The following LPP variants were observed in gnomAD, a reference collection of about 807,000 sequenced individuals.
The protein encoded by LPP is LIM domain containing preferred translocation partner in lipoma.
LPP carries 38 observed loss-of-function variants against 60.4 expected under a neutral mutation model. The ratio of observed to expected loss-of-function variants is 0.63; its 90% CI spans 0.49 to 0.83. The LOEUF (loss-of-function observed/expected upper bound fraction) is 0.83. LPP is among the 40% of genes least tolerant of loss of function. The pLI, the probability that LPP is intolerant of heterozygous loss-of-function variation, is 0.00. For synonymous variants in LPP, 328 were observed against 290.8 expected (o/e 1.13, Z -1.30); for missense variants, 902 against 783.6 (o/e 1.15, Z -1.80).
At chr3:188,214,350 C>T (rs1211458579) in intron 1 of LPP, among the ~76,000 whole-genome samples, 1 of 152,148 alleles carries the variant, frequency 6.6e-6, no homozygotes, top group East Asian at 1.9e-4. Context: ...AGGCTGGTCT[C>T]AAACTCCTGA....
Position 188,882,832 on chromosome 3 carries a change from G to A in LPP, c.*8353G>A, listed in dbSNP as rs976042952. 22 of 181,422 alleles carry A rather than the reference G, an allele frequency of 1.2e-4. No individual in the cohort carries two copies. Among genetic ancestry groups the A allele is most frequent in the African/African-American group, 4.7e-4 (20 of 42,526 alleles). The allele number at this position is 181,422 out of a possible 1,614,324, so 11.2% of individuals were successfully genotyped here. Reference sequence around the variant, plus strand: ...CGGCTCACTGCAAGCTCCGCTTCTCGGGTTCACGCCATTCTCCTGCCTCAG... The same window carrying A: ...CGGCTCACTGCAAGCTCCGCTTCTCAGGTTCACGCCATTCTCCTGCCTCAG... On this transcript the variant is annotated 3_prime_UTR_variant, in exon 12 of 12. Coordinates refer to ENST00000617246, the MANE Select transcript of LPP (RefSeq NM_001375462.1).
chr3:188,318,753 CTT>C (rs10708836), intron 2 of LPP, among the ~76,000 whole-genome samples: 1,207 of 96,822 alleles, frequency 0.012, 7 homozygotes, highest in African/African-American at 0.047. Flanking sequence ...AATTATGATT[CTT>C]TTTTTTTTTT....
At chr3:188,600,195 T>C (rs139150302) in intron 6 of LPP, among the ~76,000 whole-genome samples, 18 of 148,506 alleles carry the variant, frequency 1.2e-4, no homozygotes, top group African/African-American at 4.1e-4. Flanking sequence ...AATGTATATA[T>C]TTCTGATATA....
intron 1 of LPP, among the ~76,000 whole-genome samples, chr3:188,165,435 A>C (rs1250604354): frequency 6.6e-6 from 1 of 152,200 alleles, no homozygotes; most frequent in Non-Finnish European, 1.5e-5. Flanking sequence ...CATAACATGG[A>C]TAGAGACATG....
At chr3:188,761,187 A>G (rs1358514532) in intron 9 of LPP, among the ~76,000 whole-genome samples, 1 of 152,168 alleles carries the variant, frequency 6.6e-6, no homozygotes, top group Non-Finnish European at 1.5e-5. Context: ...GTGCCCAGAG[A>G]TTTCAACATA....
chr3:188,716,309 A>G (rs573402939), intron 8 of LPP, among the ~76,000 whole-genome samples: 1 of 152,366 alleles, frequency 6.6e-6, no homozygotes, highest in South Asian at 2.1e-4. Flanking sequence ...ACAAAGTGCT[A>G]TGATCGGTCA....
intron 3 of LPP, among the ~76,000 whole-genome samples, chr3:188,358,891 A>G (rs1360594980): frequency 6.6e-6 from 1 of 152,226 alleles, no homozygotes; most frequent in Non-Finnish European, 1.5e-5. Flanking sequence ...CACTCCAGAA[A>G]GAGTGGCCAC....
At chr3:188,188,966 G>A (rs1340078467) in intron 1 of LPP, among the ~76,000 whole-genome samples, 1 of 146,278 alleles carries the variant, frequency 6.8e-6, no homozygotes, top group Non-Finnish European at 1.5e-5. Flanking sequence ...AAAGACCTAA[G>A]CTTAATGACT....
chr3:188,548,112 C>T (rs1417370080), intron 6 of LPP, among the ~76,000 whole-genome samples: 1 of 152,178 alleles, frequency 6.6e-6, no homozygotes, highest in East Asian at 1.9e-4. Context: ...TGGATCAAAG[C>T]CCAGCCCCTG....
intron 3 of LPP, among the ~76,000 whole-genome samples, chr3:188,374,273 C>T (rs918509260): frequency 1.3e-5 from 2 of 152,070 alleles, no homozygotes; most frequent in African/African-American, 4.8e-5. Flanking sequence ...ATGGGGATGG[C>T]ATTGAATCTA....
At chr3:188,393,437 T>G (rs1209913625) in intron 3 of LPP, among the ~76,000 whole-genome samples, 4 of 152,168 alleles carry the variant, frequency 2.6e-5, no homozygotes, top group African/African-American at 9.7e-5. Context: ...ATGGGAGGGC[T>G]TTAGCCATAT....
rs35940579 is a variant in LPP, at chr3:188,609,506, T to C, written c.775T>C (p.Ser259Pro). 2.6e-3 allele frequency: 4,159 copies of C among 1,614,016 alleles called. 111 individuals are homozygous for C. In the African/African-American group the frequency reaches 0.05, roughly 19 times the overall value. ...CTATAACACTCAGCCAGTTCCTGTC[T>C]CTGGGCAGTGTCCACCTCCTTCAAC... is the stretch of plus-strand genomic sequence containing the variant. ...QGYNTQPVPV[S>P]GQCPPPSTRG... The change falls in exon 7 of 12, where the codon TCT becomes CCT. Residue 259 changes from serine (S) to proline (P), a missense_variant. Transcript: ENST00000617246. This position sits in a 1 kb window ranked among gnomAD's most constrained non-coding sequence, Gnocchi z 6.9.
At chr3:188,713,650 A>C (rs983610730) in intron 8 of LPP, among the ~76,000 whole-genome samples, 1 of 152,152 alleles carries the variant, frequency 6.6e-6, no homozygotes, top group Non-Finnish European at 1.5e-5. Flanking sequence ...ATTGACAGAT[A>C]TACGTAGACA....
intron 7 of LPP, among the ~76,000 whole-genome samples, chr3:188,640,515 T>C (rs1849864338): frequency 7.9e-6 from 1 of 125,988 alleles, no homozygotes; most frequent in Non-Finnish European, 1.6e-5. Flanking sequence ...ACTTAAAGTA[T>C]AATAATAATA....
At chr3:188,296,499 G>A (rs192746163) in intron 2 of LPP, among the ~76,000 whole-genome samples, 2 of 152,292 alleles carry the variant, frequency 1.3e-5, no homozygotes, top group East Asian at 3.9e-4. Context: ...GTTACAGTAG[G>A]TGATAATTTA....
chr3:188,836,018 C>A (rs1214137118), intron 9 of LPP, among the ~76,000 whole-genome samples: 1 of 152,172 alleles, frequency 6.6e-6, no homozygotes, highest in East Asian at 1.9e-4. Context: ...GGATTTAGAA[C>A]AAATGCATTT....
chr3:188,443,664 C>T (rs1794574725), intron 4 of LPP, among the ~76,000 whole-genome samples: 1 of 152,106 alleles, frequency 6.6e-6, no homozygotes, highest in Non-Finnish European at 1.5e-5. Context: ...CTGATGTTTC[C>T]TAATTAGCAA....
intron 10 of LPP, among the ~76,000 whole-genome samples, chr3:188,871,148 A>G (rs534116274): frequency 6.6e-6 from 1 of 152,334 alleles, no homozygotes; most frequent in Admixed American, 6.5e-5. Flanking sequence ...AAATAATTCT[A>G]TTTGGGGAAA....
chr3:188,699,861 A>T (rs1864031187), intron 7 of LPP, among the ~76,000 whole-genome samples: 1 of 152,188 alleles, frequency 6.6e-6, no homozygotes, highest in Admixed American at 6.5e-5. Context: ...TGTTGAGAGT[A>T]GAGTATAATT....
Sources: gnomAD v4.1 joint callset for allele counts (sites outside exome capture counted in the v4.1 genomes callset) on GRCh38, gnomAD v4.1.1 for gene constraint, Gnocchi (gnomAD v3.1) non-coding constraint, MANE v1.5 for transcripts, NCBI Gene and HGNC (gene_info 2026-07-23, HGNC 2026-07-21) for gene names.